GAB2: variants seen among roughly 807,000 people sequenced by gnomAD.
The protein encoded by GAB2 is GRB2 associated binding protein 2.
Under a neutral mutation model 65.5 loss-of-function variants are expected in GAB2, and 26 were observed. That is an observed-to-expected ratio of 0.40 (90% CI 0.29 to 0.55). The LOEUF (loss-of-function observed/expected upper bound fraction) is 0.55. GAB2 is among the 20% of genes least tolerant of loss of function. GAB2 has a pLI of 0.53. For synonymous variants in GAB2, 321 were observed against 329.6 expected (o/e 0.97, Z 0.28); for missense variants, 884 against 875.8 (o/e 1.01, Z -0.12).
chr11:78,298,542 G>A (rs1371389201), intron 1 of GAB2, among the ~76,000 whole-genome samples: 2 of 152,202 alleles, frequency 1.3e-5, no homozygotes, highest in African/African-American at 2.4e-5. Flanking sequence ...ATTCTGTGAG[G>A]TTCATTCCCC....
intron 2 of GAB2, among the ~76,000 whole-genome samples, chr11:78,270,932 T>G (rs1305736056): frequency 6.6e-6 from 1 of 152,216 alleles, no homozygotes. Flanking sequence ...ATAAGGCAAA[T>G]GAGTAGCAAT....
At chr11:78,300,699 T>TG (rs1219123634) in intron 1 of GAB2, among the ~76,000 whole-genome samples, 5 of 138,660 alleles carry the variant, frequency 3.6e-5, no homozygotes, top group African/African-American at 1.5e-4. Context: ...TTTTTTGTTT[T>TG]TTTTTTTTTT....
At chr11:78,376,504 T>C (rs1856632860) in intron 1 of GAB2, among the ~76,000 whole-genome samples, 1 of 152,236 alleles carries the variant, frequency 6.6e-6, no homozygotes, top group Non-Finnish European at 1.5e-5. Flanking sequence ...GGGATTCAAA[T>C]ACAGACCAGC....
chr11:78,409,214 C>T (rs958136102), intron 1 of GAB2, among the ~76,000 whole-genome samples: 1 of 151,952 alleles, frequency 6.6e-6, no homozygotes, highest in African/African-American at 2.4e-5. Flanking sequence ...AAGAAATTAC[C>T]AGAGACTCAG....
chr11:78,279,711 CCT>C (rs1190200706), intron 2 of GAB2, among the ~76,000 whole-genome samples: 1 of 152,048 alleles, frequency 6.6e-6, no homozygotes, highest in African/African-American at 2.4e-5. Flanking sequence ...AAAAGATGGT[CCT>C]CTCTGTCTTC....
chr11:78,220,510 C>G (rs1480593726), intron 8 of GAB2, 66 bp from the exon 9 acceptor site: 1 of 1,419,010 alleles, frequency 7.0e-7, no homozygotes, highest in Non-Finnish European at 9.6e-7. Flanking sequence ...CCCAGAAAAA[C>G]ACCTCTGGGA....
intron 1 of GAB2, among the ~76,000 whole-genome samples, chr11:78,328,179 C>T (rs1179111616): frequency 6.6e-6 from 1 of 152,268 alleles, no homozygotes; most frequent in African/African-American, 2.4e-5. Flanking sequence ...TAGGCACTCT[C>T]GGGTCCACAT....
intron 1 of GAB2, among the ~76,000 whole-genome samples, chr11:78,380,602 T>G (rs1044029201): frequency 6.6e-6 from 1 of 152,232 alleles, no homozygotes; most frequent in African/African-American, 2.4e-5. Flanking sequence ...TGCCTAAATC[T>G]ACATTTTCCA....
chr11:78,227,631 C>CAAAAAAAAAAAAAAAAAAAAAAAAA lies in GAB2; in HGVS notation c.621-581_621-580insTTTTTTTTTTTTTTTTTTTTTTTTT, dbSNP rs55716895. Among the ~76,000 whole-genome samples the CAAAAAAAAAAAAAAAAAAAAAAAAA allele has an allele frequency of 6.8e-4, 72 of 106,064 alleles. 5 individuals are homozygous for CAAAAAAAAAAAAAAAAAAAAAAAAA. Among genetic ancestry groups the CAAAAAAAAAAAAAAAAAAAAAAAAA allele is most frequent in the African/African-American group, 2.4e-3 (67 of 27,546 alleles). The allele number at this position is 106,064 out of a possible 152,430, so 69.6% of individuals were successfully genotyped here. Reference sequence around the variant, plus strand: ...GAACACAATAAGACTCCATTGCCACCAAAAAAAAAAAAAAAAGAACTAGCT... The same window carrying CAAAAAAAAAAAAAAAAAAAAAAAAA: ...GAACACAATAAGACTCCATTGCCACCAAAAAAAAAAAAAAAAAAAAAAAAAAAAAAAAAAAAAAAAAGAACTAGCT... On this transcript the variant is annotated intron_variant, in intron 3 of 9. Transcript: ENST00000361507.
chr11:78,380,218 T>TC (rs1049010941), intron 1 of GAB2, among the ~76,000 whole-genome samples: 6 of 151,910 alleles, frequency 3.9e-5, no homozygotes, highest in African/African-American at 1.5e-4. Context: ...GAGAACTTTT[T>TC]TTTTTTTTGA....
rs573847723 is a variant in GAB2, at chr11:78,319,136, A to G, written c.76-38235T>C. 1.2e-4 allele frequency among the ~76,000 whole-genome samples: 18 copies of G among 152,328 alleles called. No homozygotes were observed. The South Asian group carries it at 3.3e-3, about 28-fold the overall frequency. The stretch of plus-strand genomic sequence containing the variant: ...GCTGTGAGCGTTTGGATGCACCCTC[A>G]GAAGGAGCTGCATAAATAATCAGAT... On this transcript the variant is annotated intron_variant, in intron 1 of 9. Transcript: ENST00000361507.
chr11:78,415,697 C>G (rs927998859), intron 1 of GAB2, among the ~76,000 whole-genome samples: 1 of 152,118 alleles, frequency 6.6e-6, no homozygotes, highest in Non-Finnish European at 1.5e-5. Flanking sequence ...GGCCATCATA[C>G]GACTAGATTC....
intron 1 of GAB2, among the ~76,000 whole-genome samples, chr11:78,310,939 T>C (rs1276905923): frequency 6.6e-6 from 1 of 152,234 alleles, no homozygotes; most frequent in Non-Finnish European, 1.5e-5. Flanking sequence ...ATTTGTCTCC[T>C]TACTAAAGGT....
intron 3 of GAB2, among the ~76,000 whole-genome samples, chr11:78,227,412 A>G (rs1261160401): frequency 6.6e-6 from 1 of 152,196 alleles, no homozygotes; most frequent in Non-Finnish European, 1.5e-5. Flanking sequence ...ATGACAGGAA[A>G]CAGCAAACAA....
intron 3 of GAB2, among the ~76,000 whole-genome samples, chr11:78,239,164 C>T (rs1273058767): frequency 6.6e-6 from 1 of 151,616 alleles, no homozygotes; most frequent in Non-Finnish European, 1.5e-5. Context: ...TTGTCCCCCT[C>T]ACAAAGACAG....
intron 1 of GAB2, among the ~76,000 whole-genome samples, chr11:78,351,812 G>A (rs899587445): frequency 6.6e-6 from 1 of 152,134 alleles, no homozygotes; most frequent in African/African-American, 2.4e-5. Context: ...AAGGAGACTG[G>A]TGAGAGAAAA....
chr11:78,363,582 T>TATATA, intron 1 of GAB2, among the ~76,000 whole-genome samples: 1 of 149,970 alleles, frequency 6.7e-6, no homozygotes, highest in African/African-American at 2.5e-5. Context: ...TAGAAATATA[T>TATATA]TTTCTTTTTT....
chr11:78,346,716 TATATA>T lies in GAB2; in HGVS notation c.76-65820_76-65816del, dbSNP rs1439002751. On this transcript the variant is annotated intron_variant, in intron 1 of 9. Transcript: ENST00000361507. ...ATATATATATATATATATATATATATATATAATTTTTTTTTTTTTTAGGAAAAGAA... is the reference window on the plus strand; with the variant it reads ...ATATATATATATATATATATATATATATTTTTTTTTTTTTTAGGAAAAGAA... Among the ~76,000 whole-genome samples, 165 of 86,646 alleles carry T rather than the reference TATATA, an allele frequency of 1.9e-3. 4 individuals carry two copies. The highest frequency in any genetic ancestry group is 0.012 in the Middle Eastern group (2 of 166). The allele number at this position is 86,646 out of a possible 152,430, so 56.8% of individuals were successfully genotyped here. A position where few individuals can be genotyped will look rare whatever the true frequency, so the allele number is the denominator to read the frequency against.
chr11:78,245,290 T>C (rs1430990167), intron 3 of GAB2, among the ~76,000 whole-genome samples: 1 of 151,994 alleles, frequency 6.6e-6, no homozygotes, highest in Non-Finnish European at 1.5e-5. Context: ...TAAGATGATA[T>C]ATTTATGCTA....
Sources: allele counts gnomAD v4.1 joint callset (sites outside exome capture counted in the v4.1 genomes callset), GRCh38; gene constraint gnomAD v4.1.1; transcripts MANE v1.5; gene names NCBI Gene and HGNC (gene_info 2026-07-23, HGNC 2026-07-21).